Variants in DUS2 observed in about 807,000 individuals in gnomAD.
DUS2 encodes the protein dihydrouridine synthase 2, also known as tRNA-dihydrouridine(20) synthase [NAD(P)+]-like.
In DUS2, 52 loss-of-function variants were observed where a neutral mutation model predicts 71.3. The ratio of observed to expected loss-of-function variants is 0.73; its 90% CI spans 0.58 to 0.92. The LOEUF (loss-of-function observed/expected upper bound fraction) is 0.92. Among genes scored for constraint, DUS2 ranks in the 40% least tolerant of loss-of-function variants. DUS2 has a pLI of 0.00. For synonymous variants in DUS2, 204 were observed against 227.8 expected (o/e 0.90, Z 0.94); for missense variants, 558 against 622.6 (o/e 0.90, Z 1.10).
chr16:68,036,538 T>C (rs2033531199), intron 2 of DUS2, among the ~76,000 whole-genome samples: 1 of 151,126 alleles, frequency 6.6e-6, no homozygotes, highest in African/African-American at 2.4e-5. Context: ...CTCCTGACCT[T>C]GTGATCCACC....
intron 8 of DUS2, among the ~76,000 whole-genome samples, chr16:68,061,768 G>T (rs752689313): frequency 1.3e-5 from 2 of 152,094 alleles, no homozygotes; most frequent in Non-Finnish European, 2.9e-5. Context: ...TCCCTGTCTG[G>T]GCTTTAAGCC....
intron 10 of DUS2, 59 bp downstream of exon 10, chr16:68,066,695 T>C: frequency 6.5e-7 from 1 of 1,540,706 alleles, no homozygotes; most frequent in Non-Finnish European, 9.0e-7. Flanking sequence ...TAGTGATCCT[T>C]CCTTAATTGA....
At chr16:68,064,731 CTG>C (rs1362460851) in intron 8 of DUS2, among the ~76,000 whole-genome samples, 1 of 152,248 alleles carries the variant, frequency 6.6e-6, no homozygotes, top group Non-Finnish European at 1.5e-5. Context: ...CACCTAGAGA[CTG>C]TTCCTTCCTG....
intron 10 of DUS2, 60 bp downstream of exon 10, chr16:68,066,696 C>T: frequency 6.5e-7 from 1 of 1,540,672 alleles, no homozygotes. Context: ...AGTGATCCTT[C>T]CTTAATTGAT....
intron 10 of DUS2, among the ~76,000 whole-genome samples, chr16:68,069,144 T>A (rs2034050116): frequency 6.6e-6 from 1 of 151,982 alleles, no homozygotes; most frequent in Non-Finnish European, 1.5e-5. Flanking sequence ...ATCCCACCAC[T>A]TTAGGAGGCC....
rs577988511 is a variant in DUS2 at position 68,023,940 on chromosome 16, C to T, written c.-99+589C>T. ...GCCCGCTCAGCTCCACTGGCTTCCC[C>T]GTCAGAAACCTGAATTACCTAAAAT... On this transcript the variant is annotated intron_variant, in intron 1 of 16. Transcript: ENST00000565263. 4 of 167,292 alleles carry T rather than the reference C, an allele frequency of 2.4e-5. No homozygotes were observed. The East Asian group carries it at 7.7e-4, about 32-fold the overall frequency. The allele number at this position is 167,292 out of a possible 1,614,324, so 10.4% of individuals were successfully genotyped here.
intron 9 of DUS2, 63 bp from the exon 10 acceptor site, chr16:68,066,503 T>C (rs2034007092): frequency 2.5e-6 from 4 of 1,592,768 alleles, no homozygotes; most frequent in Non-Finnish European, 1.7e-6. Context: ...GAGCCTACTT[T>C]AGGAGGCAGC....
chr16:68,060,370 G>C (rs2033921829), intron 7 of DUS2, among the ~76,000 whole-genome samples: 1 of 152,138 alleles, frequency 6.6e-6, no homozygotes, highest in African/African-American at 2.4e-5. Flanking sequence ...CTAGGGTACA[G>C]TGGTGCAATC....
intron 4 of DUS2, 94 bp from the exon 5 acceptor site, chr16:68,053,470 G>A: frequency 3.4e-6 from 4 of 1,185,480 alleles, no homozygotes; most frequent in Admixed American, 1.8e-5. Flanking sequence ...TCCCCTTGAA[G>A]CTTATACTCT....
intron 11 of DUS2, 44 bp from the exon 12 acceptor site, chr16:68,070,896 G>A: frequency 6.3e-7 from 1 of 1,595,384 alleles, no homozygotes; most frequent in Non-Finnish European, 8.6e-7. Context: ...AATGCTGATA[G>A]GTTCCGTGAT....
intron 2 of DUS2, among the ~76,000 whole-genome samples, chr16:68,028,840 GC>G (rs2033396619): frequency 6.6e-6 from 1 of 152,080 alleles, no homozygotes; most frequent in African/African-American, 2.4e-5. Flanking sequence ...TAATTAATGT[GC>G]CCGAGGCACA....
At chr16:68,056,464 C>G (rs773803567) in intron 7 of DUS2, 40 bp downstream of exon 7, 30 of 1,529,308 alleles carry the variant, frequency 2.0e-5, no homozygotes, top group Non-Finnish European at 2.6e-5. Context: ...ACATAGGATG[C>G]AGATTAAGAG....
chr16:68,032,322 C>G (rs1448388999), intron 2 of DUS2, among the ~76,000 whole-genome samples: 1 of 152,162 alleles, frequency 6.6e-6, no homozygotes, highest in Non-Finnish European at 1.5e-5. Flanking sequence ...GGTCATGTAC[C>G]TGGCTCAGTG....
chr16:68,070,252 G>T, intron 11 of DUS2, 32 bp downstream of exon 11: 2 of 1,601,892 alleles, frequency 1.2e-6, no homozygotes, highest in Non-Finnish European at 1.7e-6. Context: ...TGTACTCTGT[G>T]TCCCACAGAG....
chr16:68,047,049 CT>C (rs1305624703), intron 3 of DUS2, among the ~76,000 whole-genome samples: 52 of 72,210 alleles, frequency 7.2e-4, no homozygotes, highest in African/African-American at 1.3e-3. Flanking sequence ...CATGCCCGGC[CT>C]TTTTTTTTTT....
chr16:68,070,309 GT>G, intron 11 of DUS2, 89 bp downstream of exon 11: 1 of 1,292,880 alleles, frequency 7.7e-7, no homozygotes, highest in Non-Finnish European at 1.1e-6. Context: ...AGAGTGAAAA[GT>G]TTTAGGGGTG....
Position 68,062,441 on chromosome 16 carries a change from C to T in DUS2, c.417+1328C>T, listed in dbSNP as rs547232174. Among the ~76,000 whole-genome samples the T allele has an allele frequency of 4.0e-5, 6 of 151,754 alleles. No homozygotes were observed. The South Asian group carries it at 6.3e-4, about 16-fold the overall frequency. On this transcript the variant is annotated intron_variant, in intron 8 of 16. Coordinates refer to ENST00000565263, the MANE Select transcript of DUS2 (RefSeq NM_017803.5). ...ATTTGCTTAAGATCATATAGTAGGC[C>T]GGGCGTGGTGGCTCATGCCTGTAAT...
intron 3 of DUS2, among the ~76,000 whole-genome samples, chr16:68,047,158 C>A (rs1462907278): frequency 6.8e-6 from 1 of 147,310 alleles, no homozygotes; most frequent in African/African-American, 2.5e-5. Flanking sequence ...TGGGTTCAAG[C>A]GATTCTCCTG....
intron 7 of DUS2, 89 bp downstream of exon 7, chr16:68,056,513 A>G: frequency 9.2e-7 from 1 of 1,091,726 alleles, no homozygotes; most frequent in South Asian, 1.3e-5. Context: ...CTAACTCTGG[A>G]CTGGATTCTG....
Sources: allele counts gnomAD v4.1 joint callset (sites outside exome capture counted in the v4.1 genomes callset), GRCh38; gene constraint gnomAD v4.1.1; transcripts MANE v1.5; gene names NCBI Gene and HGNC (gene_info 2026-07-23, HGNC 2026-07-21).